SYNE2: variants seen among roughly 807,000 people sequenced by gnomAD.
The protein encoded by SYNE2 is nesprin-2.
SYNE2 carries 431 observed loss-of-function variants against 856.3 expected under a neutral mutation model. That is an observed-to-expected ratio of 0.50 (90% CI 0.47 to 0.55). The LOEUF (loss-of-function observed/expected upper bound fraction) is 0.55. Among genes scored for constraint, SYNE2 ranks in the 20% least tolerant of loss-of-function variants. SYNE2 has a pLI of 0.00. For missense variants in SYNE2, 8,129 were observed against 8,023.2 expected (o/e 1.01, Z -0.50); for synonymous variants, 2,923 against 2,872.3 (o/e 1.02, Z -0.56).
intron 95 of SYNE2, among the ~76,000 whole-genome samples, chr14:64,176,479 G>A (rs114643583): frequency 6.6e-6 from 1 of 152,196 alleles, no homozygotes; most frequent in Non-Finnish European, 1.5e-5. Flanking sequence ...TAAGCAGAAG[G>A]TGGTAGTCAG....
intron 1 of SYNE2, chr14:63,864,256 GAAAAT>G (rs1894599117): frequency 6.6e-6 from 1 of 152,200 alleles, no homozygotes; most frequent in African/African-American, 2.4e-5. Flanking sequence ...TTGTTTAAAA[GAAAAT>G]AAGTTACCTT....
chr14:64,162,340 G>A, intron 88 of SYNE2, 64 bp downstream of exon 88: 1 of 1,530,162 alleles, frequency 6.5e-7, no homozygotes. Context: ...GTAAGGGACA[G>A]CCATGACCTG....
rs142362101 is a variant in SYNE2, at chr14:64,188,571, A to C, written c.17734A>C (p.Ile5912Leu). 10 of 1,614,114 alleles carry C rather than the reference A, an allele frequency of 6.2e-6. No homozygotes were observed. In the African/African-American group the frequency reaches 1.2e-4, roughly 19 times the overall value. The change falls in exon 98 of 116, where the codon ATT (isoleucine) becomes CTT (leucine). Residue 5912 changes from isoleucine (I) to leucine (L), a missense_variant. Ile to Leu is a conservative substitution (Grantham distance 5, BLOSUM62 2). This residue lies in a region of SYNE2 where 5,410 missense variants were observed against 5,284.8 expected (regional missense o/e 1.02). Coordinates refer to ENST00000555002, the MANE Select transcript of SYNE2 (RefSeq NM_182914.3). ...GCAGGTGGCCATACGTAAACAGGAG[A>C]TTGAAGACAGACTCAATACATGGGT... is the stretch of plus-strand genomic sequence containing the variant. ...CLRVAIRKQE[I>L]EDRLNTWVVF...
chr14:64,224,927 T>A (rs1325107700), intron 114 of SYNE2, 72 bp from the exon 115 acceptor site: 5 of 37,640 alleles, frequency 1.3e-4, no homozygotes, highest in Non-Finnish European at 1.6e-4. Flanking sequence ...TAAGGGAGGA[T>A]TTTTTTTTTT....
chr14:64,131,686 A>G (rs2098023361), intron 76 of SYNE2, among the ~76,000 whole-genome samples: 1 of 152,158 alleles, frequency 6.6e-6, no homozygotes, highest in South Asian at 2.1e-4. Flanking sequence ...GTCTCAAACA[A>G]TCCTCTCACT....
intron 1 of SYNE2, among the ~76,000 whole-genome samples, chr14:63,802,353 C>T (rs370206307): frequency 7.9e-5 from 12 of 151,612 alleles, no homozygotes; most frequent in South Asian, 2.1e-4. Context: ...GTGATCTGCT[C>T]GCCTCGGCCT....
chr14:63,944,437 C>G (rs76927328), intron 6 of SYNE2, among the ~76,000 whole-genome samples: 1 of 150,410 alleles, frequency 6.6e-6, no homozygotes, highest in Admixed American at 6.6e-5. Flanking sequence ...AAAACCTTTG[C>G]GATACAATCT....
chr14:63,772,721 C>T (rs1025643926), intron 1 of SYNE2, among the ~76,000 whole-genome samples: 5 of 151,862 alleles, frequency 3.3e-5, no homozygotes, highest in East Asian at 3.9e-4. Flanking sequence ...CTAGCCTGGG[C>T]GGCAGAGCAA....
intron 94 of SYNE2, chr14:64,173,865 G>A: frequency 1.6e-6 from 1 of 645,042 alleles, no homozygotes. Context: ...CTTTATTTTT[G>A]TATTATAAAT....
chr14:64,158,157 G>T (rs971169857), intron 85 of SYNE2, among the ~76,000 whole-genome samples: 1 of 152,200 alleles, frequency 6.6e-6, no homozygotes, highest in Non-Finnish European at 1.5e-5. Flanking sequence ...AGACTTAAGT[G>T]CCAGGTAACA....
chr14:63,877,850 G>T (rs1165555747), intron 1 of SYNE2, among the ~76,000 whole-genome samples: 1 of 150,694 alleles, frequency 6.6e-6, no homozygotes, highest in Non-Finnish European at 1.5e-5. Flanking sequence ...GTATTTTATA[G>T]CCAAGGTCAT....
chr14:63,907,214 A>G (rs998879961), intron 1 of SYNE2, among the ~76,000 whole-genome samples: 1 of 152,230 alleles, frequency 6.6e-6, no homozygotes, highest in African/African-American at 2.4e-5. Flanking sequence ...TCATTCTCAG[A>G]GGATTGAATC....
intron 45 of SYNE2, among the ~76,000 whole-genome samples, chr14:64,039,902 A>G (rs542847146): frequency 1.3e-5 from 2 of 152,330 alleles, no homozygotes; most frequent in East Asian, 1.9e-4. Context: ...ACCTTTGGGG[A>G]AAAGTAGACC....
chr14:63,932,520 A>G (rs2095772969), intron 2 of SYNE2, among the ~76,000 whole-genome samples: 1 of 152,020 alleles, frequency 6.6e-6, no homozygotes, highest in African/African-American at 2.4e-5. Context: ...CAGCCTGGGC[A>G]ACATGGCAAA....
intron 1 of SYNE2, among the ~76,000 whole-genome samples, chr14:63,820,289 A>G (rs1199674578): frequency 6.6e-6 from 1 of 152,222 alleles, no homozygotes; most frequent in Non-Finnish European, 1.5e-5. Context: ...TTGATTGTGA[A>G]CAAAAGGTCA....
rs751368748 is a variant in SYNE2, at chr14:64,081,480, A to C, written c.11384A>C (p.Lys3795Thr). 1.2e-6 allele frequency: 2 copies of C among 1,614,084 alleles called. No individual in the cohort carries two copies. Among genetic ancestry groups the C allele is most frequent in the African/African-American group, 2.7e-5 (2 of 74,940 alleles). ...ATGGAGGAATATAGTGACCTTCTGA[A>C]GAGCACTGAGGCTTGGATAGAAAAT... is the stretch of plus-strand genomic sequence containing the variant. ...VKMEEYSDLL[K>T]STEAWIENTS... The change falls in exon 57 of 116, where the codon AAG becomes ACG. Residue 3795 changes from lysine (K) to threonine (T), a missense_variant. Transcript: ENST00000555002.
At chr14:64,085,205 T>G (rs1411080609) in intron 57 of SYNE2, among the ~76,000 whole-genome samples, 1 of 152,186 alleles carries the variant, frequency 6.6e-6, no homozygotes, top group Non-Finnish European at 1.5e-5. Flanking sequence ...CCCAGGTAGT[T>G]GGGACTACAG....
At chr14:63,894,757 T>C (rs1375913133) in intron 1 of SYNE2, among the ~76,000 whole-genome samples, 1 of 152,202 alleles carries the variant, frequency 6.6e-6, no homozygotes, top group Admixed American at 6.5e-5. Flanking sequence ...AATAATTCAT[T>C]ATGGCCCTCA....
chr14:63,805,623 C>T (rs1181678225), intron 1 of SYNE2, among the ~76,000 whole-genome samples: 2 of 125,064 alleles, frequency 1.6e-5, no homozygotes, highest in South Asian at 3.1e-4. Flanking sequence ...GATCCGCCCG[C>T]CTCGGCCTTC....
Sources: allele counts gnomAD v4.1 joint callset (sites outside exome capture counted in the v4.1 genomes callset), GRCh38; gene constraint gnomAD v4.1.1; regional missense constraint gnomAD v4.1.1; transcripts MANE v1.5; gene names NCBI Gene and HGNC (gene_info 2026-07-23, HGNC 2026-07-21).